Variants in YTHDC2 observed in about 807,000 individuals in gnomAD.
The protein encoded by YTHDC2 is YTH N6-methyladenosine RNA binding protein C2.
YTHDC2 carries 45 observed loss-of-function variants against 174.9 expected under a neutral mutation model. The ratio of observed to expected loss-of-function variants is 0.26; its 90% CI spans 0.20 to 0.33. The LOEUF (loss-of-function observed/expected upper bound fraction) is 0.33, where lower values mean the gene tolerates loss of function less well. Ranked by LOEUF, YTHDC2 falls within the 10% of genes least tolerant of loss-of-function variation. The pLI, the probability that YTHDC2 is intolerant of heterozygous loss-of-function variation, is 1.00. For missense variants in YTHDC2, 1,650 were observed against 1,723.7 expected (o/e 0.96, Z 0.76); for synonymous variants, 657 against 574.5 (o/e 1.14, Z -2.05).
chr5:113,580,005 A>G (rs10078214), intron 24 of YTHDC2: 2 of 915,600 alleles, frequency 2.2e-6, no homozygotes, highest in Non-Finnish European at 2.6e-6. Flanking sequence ...TAAGTCTGAG[A>G]TCAAGGTGCT....
rs373024242 is a variant in YTHDC2, at chr5:113,553,705, T to C, written c.1964+19T>C. ...CACATAGGTAAGGGCTAAAGCCTTA[T>C]ATCTGTTGCTTAAAATAACGGACAG... On this transcript the variant is annotated intron_variant, in intron 14 of 29. Coordinates refer to ENST00000161863, the MANE Select transcript of YTHDC2 (RefSeq NM_022828.5). The C allele has an allele frequency of 3.0e-5, 49 of 1,613,106 alleles. No homozygotes were observed. The African/African-American group carries it at 5.1e-4, about 17-fold the overall frequency.
chr5:113,533,818 C>T (rs1333072066), intron 5 of YTHDC2, among the ~76,000 whole-genome samples: 1 of 152,084 alleles, frequency 6.6e-6, no homozygotes, highest in Non-Finnish European at 1.5e-5. Flanking sequence ...AGGAAATGTT[C>T]ATCAGAGGAT....
At chr5:113,556,018 A>C in intron 16 of YTHDC2, 34 bp from the exon 17 acceptor site, 1 of 1,348,552 alleles carries the variant, frequency 7.4e-7, no homozygotes, top group Non-Finnish European at 1.1e-6. Flanking sequence ...AATACCTTTT[A>C]TATTCTAACA....
chr5:113,556,289 C>G lies in YTHDC2; in HGVS notation c.2216+155C>G, dbSNP rs930961665. 3 of 451,588 alleles carry G rather than the reference C, an allele frequency of 6.6e-6. No individual in the cohort carries two copies. The South Asian group carries it at 1.9e-4, about 28-fold the overall frequency. 28.0% of individuals were successfully genotyped at this position (451,588 alleles called of 1,614,324 possible). On this transcript the variant is annotated intron_variant, in intron 17 of 29. Transcript: ENST00000161863. ...TTTTGCAAAGCAAGCCATTTTGATA[C>G]TTCCTTAAAAGTTGAATGTAGGTTA...
rs537019160 is a variant in YTHDC2, at chr5:113,556,769, A to G, written c.2216+635A>G. ...ATTTATCCAAATCTACTCTTTGACC[A>G]TAGATTCCACTTGTCATAATTTATC... On this transcript the variant is annotated intron_variant, in intron 17 of 29. Transcript: ENST00000161863. Among the ~76,000 whole-genome samples, 20 of 152,314 alleles carry G rather than the reference A, an allele frequency of 1.3e-4. No homozygotes were observed. The East Asian group carries it at 3.9e-3, about 29-fold the overall frequency.
chr5:113,554,845 G>A (rs1776492927), intron 16 of YTHDC2, among the ~76,000 whole-genome samples: 1 of 151,930 alleles, frequency 6.6e-6, no homozygotes, highest in South Asian at 2.1e-4. Context: ...AATGAAAGTG[G>A]TAAAGATAAT....
At chr5:113,521,184 A>G (rs1432048217) in intron 2 of YTHDC2, among the ~76,000 whole-genome samples, 1 of 152,208 alleles carries the variant, frequency 6.6e-6, no homozygotes, top group East Asian at 1.9e-4. Context: ...AACAAGTTTT[A>G]TAAGGCAGAG....
intron 11 of YTHDC2, 46 bp downstream of exon 11, chr5:113,548,713 C>T (rs538146238): frequency 1.3e-6 from 2 of 1,524,968 alleles, no homozygotes; most frequent in African/African-American, 1.4e-5. Flanking sequence ...TGTATAGCTA[C>T]ACATATCTTT....
In YTHDC2 at chr5:113,584,366, T is replaced by C; in HGVS notation, c.3712T>C (p.Leu1238=). Residue 1238 remains leucine (L), a synonymous_variant, in exon 26 of 30, where the codon TTA becomes CTA. Coordinates refer to ENST00000161863, the MANE Select transcript of YTHDC2 (RefSeq NM_022828.5). ...PPQKYKDRGI[L]HPKRGTEDRS... is the part of the protein sequence containing the mutation. ...TCAGAAGTACAAAGATAGAGGAATT[T>C]TACATCCTAAACGAGGTACTGAGGA... The C allele has an allele frequency of 6.2e-7, 1 of 1,613,888 alleles. No individual in the cohort carries two copies. Among genetic ancestry groups the C allele is most frequent in the African/African-American group, 1.3e-5 (1 of 75,018 alleles).
intron 1 of YTHDC2, 78 bp from the exon 2 acceptor site, chr5:113,515,194 T>C (rs1418333313): frequency 1.0e-6 from 1 of 1,004,966 alleles, no homozygotes; most frequent in African/African-American, 1.6e-5. Context: ...ATGTTTTTCA[T>C]ATTTTGTATC....
rs368975720 is a variant in YTHDC2, at chr5:113,589,408, A to AAATAT, written c.3826-1632_3826-1631insATATA. Among the ~76,000 whole-genome samples, 324 of 123,208 alleles carry AAATAT rather than the reference A, an allele frequency of 2.6e-3. 1 individual carries two copies. The highest frequency in any genetic ancestry group is 5.3e-3 in the African/African-American group (154 of 29,278). The allele number at this position is 123,208 out of a possible 152,430, so 80.8% of individuals were successfully genotyped here. A position where few individuals can be genotyped will look rare whatever the true frequency, so the allele number is the denominator to read the frequency against. On this transcript the variant is annotated intron_variant, in intron 26 of 29. Transcript: ENST00000161863. ...TCTTTTAAAAATTAAAAAAAAAAAAAATATATATATATATATATATATATG... is the reference window on the plus strand; with the variant it reads ...TCTTTTAAAAATTAAAAAAAAAAAAAAATATATATATATATATATATATATATATG...
chr5:113,576,375 T>C (rs1486128672), intron 23 of YTHDC2, among the ~76,000 whole-genome samples: 2 of 152,178 alleles, frequency 1.3e-5, no homozygotes, highest in African/African-American at 4.8e-5. Context: ...AATAGTATGA[T>C]TGATAATTTA....
intron 23 of YTHDC2, among the ~76,000 whole-genome samples, chr5:113,575,966 G>A (rs1778019337): frequency 6.6e-6 from 1 of 152,080 alleles, no homozygotes. Flanking sequence ...AAAGGGAGGA[G>A]TCAATTCTCA....
intron 23 of YTHDC2, among the ~76,000 whole-genome samples, chr5:113,578,165 G>T (rs1310205280): frequency 6.6e-6 from 1 of 151,904 alleles, no homozygotes; most frequent in Non-Finnish European, 1.5e-5. Context: ...ACGGAATAGT[G>T]TTTGTGTGTG....
chr5:113,593,254 T>G (rs780798858), intron 28 of YTHDC2, 49 bp from the exon 29 acceptor site: 1 of 1,481,478 alleles, frequency 6.8e-7, no homozygotes, highest in South Asian at 1.2e-5. Context: ...TCATTAAAAA[T>G]TTTCACTCCA....
At chr5:113,589,234 A>AT (rs1778854980) in intron 26 of YTHDC2, among the ~76,000 whole-genome samples, 1 of 150,526 alleles carries the variant, frequency 6.6e-6, no homozygotes, top group South Asian at 2.1e-4. Flanking sequence ...TGTTCTCTTC[A>AT]TTTTTTTCAG....
chr5:113,564,159 A>G, intron 20 of YTHDC2, 28 bp downstream of exon 20: 1 of 1,569,532 alleles, frequency 6.4e-7, no homozygotes, highest in Non-Finnish European at 8.7e-7. Context: ...TTATTTCTGA[A>G]GACGTTGCTG....
At chr5:113,545,254 A>G (rs1775780307) in intron 10 of YTHDC2, among the ~76,000 whole-genome samples, 1 of 152,176 alleles carries the variant, frequency 6.6e-6, no homozygotes, top group South Asian at 2.1e-4. Flanking sequence ...CACATCTTCT[A>G]GTCTAACTTC....
At chr5:113,538,394 T>C (rs953077233) in intron 7 of YTHDC2, among the ~76,000 whole-genome samples, 2 of 152,132 alleles carry the variant, frequency 1.3e-5, no homozygotes, top group Non-Finnish European at 2.9e-5. Context: ...TAGTAAGACT[T>C]ATCTTTTCCT....
Sources: gnomAD v4.1 joint callset for allele counts (sites outside exome capture counted in the v4.1 genomes callset) on GRCh38, gnomAD v4.1.1 for gene constraint, MANE v1.5 for transcripts, NCBI Gene and HGNC (gene_info 2026-07-23, HGNC 2026-07-21) for gene names.